The following ST8SIA6 variants were observed in gnomAD, a reference collection of about 807,000 sequenced individuals.
The protein encoded by ST8SIA6 is ST8 alpha-N-acetyl-neuraminide alpha-2,8-sialyltransferase 6.
Under a neutral mutation model 33.6 loss-of-function variants are expected in ST8SIA6, and 39 were observed. The ratio of observed to expected loss-of-function variants is 1.16; its 90% CI spans 0.90 to 1.52. ST8SIA6 has a LOEUF of 1.52. Ranked by LOEUF, ST8SIA6 falls within the 40% of genes most tolerant of loss-of-function variation. The pLI, the probability that ST8SIA6 is intolerant of heterozygous loss-of-function variation, is 0.00. For missense variants in ST8SIA6, 441 were observed against 443.8 expected (o/e 0.99, Z 0.06); for synonymous variants, 172 against 167.2 (o/e 1.03, Z -0.22).
At chr10:17,322,266 A>G (rs1847985600) in intron 7 of ST8SIA6, among the ~76,000 whole-genome samples, 1 of 151,862 alleles carries the variant, frequency 6.6e-6, no homozygotes, top group Non-Finnish European at 1.5e-5. Context: ...AAAGAGAGAA[A>G]GAAAAGAAGG....
At chr10:17,343,327 A>G (rs1435851395) in intron 4 of ST8SIA6, among the ~76,000 whole-genome samples, 2 of 152,256 alleles carry the variant, frequency 1.3e-5, no homozygotes, top group African/African-American at 4.8e-5. Context: ...AGAAAAATCA[A>G]TAGACGGTTG....
chr10:17,424,564 A>G (rs1254316554), intron 2 of ST8SIA6, among the ~76,000 whole-genome samples: 1 of 152,146 alleles, frequency 6.6e-6, no homozygotes, highest in Non-Finnish European at 1.5e-5. Context: ...ATTGTCAGTG[A>G]TAAAAGACAA....
At chr10:17,416,253 C>G (rs1032023085) in intron 2 of ST8SIA6, among the ~76,000 whole-genome samples, 2 of 152,124 alleles carry the variant, frequency 1.3e-5, no homozygotes, top group African/African-American at 4.8e-5. Context: ...GCTTCTCTTT[C>G]AAGCCTCTAA....
rs747613729 is a variant in ST8SIA6, at chr10:17,327,043, A to G, written c.606T>C (p.Thr202=). 1.2e-6 allele frequency: 2 copies of G among 1,607,616 alleles called. No homozygotes were observed. Among genetic ancestry groups the G allele is most frequent in the East Asian group, 2.2e-5 (1 of 44,466 alleles). ...GGILNKSLCG[T]EIDKSDFVFR... ...AAACGAAGTCGGATTTATCTATTTC[A>G]GTTCCACAGAGAGACTTATTCAGAA... Residue 202 remains threonine, a synonymous_variant, in exon 6 of 8, where the codon ACT becomes ACC. Coordinates refer to ENST00000377602, the MANE Select transcript of ST8SIA6 (RefSeq NM_001004470.3).
At chr10:17,399,761 T>C (rs1588887768) in intron 2 of ST8SIA6, among the ~76,000 whole-genome samples, 1 of 151,568 alleles carries the variant, frequency 6.6e-6, no homozygotes, top group Non-Finnish European at 1.5e-5. Context: ...CTATATACAA[T>C]TTAAAAATTA....
chr10:17,446,108 T>G (rs929889975), intron 2 of ST8SIA6, among the ~76,000 whole-genome samples: 17 of 152,214 alleles, frequency 1.1e-4, no homozygotes, highest in Non-Finnish European at 2.1e-4. Context: ...GTATCCATAA[T>G]GCTGTAAAAA....
rs1431103788 is a variant in ST8SIA6 at position 17,454,317 on chromosome 10, C to G, written c.-62G>C. ...GGGCGAAGCACAGCCCGGGCGGCCC[C>G]GACTCGCGGCTCCCGCCGCCGCCGC... On this transcript the variant is annotated 5_prime_UTR_variant, in exon 1 of 8. Transcript: ENST00000377602. This position sits in a 1 kb window ranked among gnomAD's most constrained non-coding sequence, Gnocchi z 4.1. The G allele has an allele frequency of 1.2e-5, 2 of 173,500 alleles. No homozygotes were observed. The highest frequency in any genetic ancestry group is 1.7e-4 in the South Asian group (1 of 5,878). The allele number at this position is 173,500 out of a possible 1,614,324, so 10.7% of individuals were successfully genotyped here. A position where few individuals can be genotyped will look rare whatever the true frequency, so the allele number is the denominator to read the frequency against.
intron 3 of ST8SIA6, among the ~76,000 whole-genome samples, chr10:17,390,220 C>G (rs1850535028): frequency 6.6e-6 from 1 of 152,114 alleles, no homozygotes; most frequent in Non-Finnish European, 1.5e-5. Flanking sequence ...TGGCCTCAAG[C>G]AATCCTCTAG....
At chr10:17,445,117 AG>A (rs35680746) in intron 2 of ST8SIA6, among the ~76,000 whole-genome samples, 18,177 of 152,194 alleles carry the variant, frequency 0.12, 1,183 homozygotes, top group South Asian at 0.22. Context: ...TTCTAGAGTT[AG>A]GGTTAGTTTT....
intron 4 of ST8SIA6, among the ~76,000 whole-genome samples, chr10:17,355,203 C>G (rs45539934): frequency 0.21 from 32,195 of 152,114 alleles, 3,477 homozygotes; most frequent in African/African-American, 0.23. Flanking sequence ...CCAGACCAAG[C>G]AAAAGGTCTT....
At chr10:17,387,639 C>T (rs914717292) in intron 3 of ST8SIA6, among the ~76,000 whole-genome samples, 1 of 152,176 alleles carries the variant, frequency 6.6e-6, no homozygotes, top group Non-Finnish European at 1.5e-5. Flanking sequence ...GGACTGCTGT[C>T]ACATCGATTA....
At chr10:17,380,474 ATG>A (rs1850090298) in intron 3 of ST8SIA6, among the ~76,000 whole-genome samples, 2 of 152,184 alleles carry the variant, frequency 1.3e-5, no homozygotes, top group African/African-American at 4.8e-5. Flanking sequence ...ACCCTAAATT[ATG>A]GGGAACAGGG....
chr10:17,319,355 T>C lies in ST8SIA6; in HGVS notation c.*1523A>G, dbSNP rs554740768. Among the ~76,000 whole-genome samples the C allele has an allele frequency of 6.6e-6, 1 of 152,190 alleles. No homozygotes were observed. Among genetic ancestry groups the C allele is most frequent in the Non-Finnish European group, 1.5e-5 (1 of 68,022 alleles). On this transcript the variant is annotated 3_prime_UTR_variant, in exon 8 of 8. Coordinates refer to ENST00000377602, the MANE Select transcript of ST8SIA6 (RefSeq NM_001004470.3). Reference sequence around the variant, plus strand: ...TGACTATAACACACTTTATGAAATCTCGGGGTGTCTGTTTAGCCAAAGATT... The same window carrying C: ...TGACTATAACACACTTTATGAAATCCCGGGGTGTCTGTTTAGCCAAAGATT...
chr10:17,360,169 C>CT (rs1247973738), intron 3 of ST8SIA6, among the ~76,000 whole-genome samples: 1 of 152,132 alleles, frequency 6.6e-6, no homozygotes. Context: ...TGGTAGATCT[C>CT]TCCCTGTCTG....
intron 2 of ST8SIA6, among the ~76,000 whole-genome samples, chr10:17,427,098 T>G: frequency 9.1e-6 from 1 of 110,430 alleles, no homozygotes; most frequent in Non-Finnish European, 1.7e-5. Flanking sequence ...AGCAAGACTG[T>G]GTCTGAAAAA....
At chr10:17,439,805 C>T (rs1852407434) in intron 2 of ST8SIA6, among the ~76,000 whole-genome samples, 1 of 152,202 alleles carries the variant, frequency 6.6e-6, no homozygotes, top group South Asian at 2.1e-4. Flanking sequence ...CACTACAAGG[C>T]ATGCTGAGGC....
At chr10:17,323,971 C>T (rs1367032228) in intron 6 of ST8SIA6, among the ~76,000 whole-genome samples, 1 of 152,086 alleles carries the variant, frequency 6.6e-6, no homozygotes, top group South Asian at 2.1e-4. Context: ...ATAGTTTTGC[C>T]ACCAAATTAT....
intron 2 of ST8SIA6, chr10:17,409,927 C>G (rs906771123): frequency 3.9e-5 from 6 of 151,998 alleles, no homozygotes; most frequent in African/African-American, 1.5e-4. Context: ...GCCAACAGAG[C>G]AAGAAAGAAG....
chr10:17,415,616 C>T (rs1851577957), intron 2 of ST8SIA6, among the ~76,000 whole-genome samples: 1 of 152,058 alleles, frequency 6.6e-6, no homozygotes, highest in Admixed American at 6.5e-5. Flanking sequence ...ACTCACCTTC[C>T]TGGAATGCAC....
Sources: gnomAD v4.1 joint callset for allele counts (sites outside exome capture counted in the v4.1 genomes callset) on GRCh38, gnomAD v4.1.1 for gene constraint, Gnocchi (gnomAD v3.1) non-coding constraint, MANE v1.5 for transcripts, NCBI Gene and HGNC (gene_info 2026-07-23, HGNC 2026-07-21) for gene names.